The following PDZD2 variants were observed in gnomAD, a reference collection of about 807,000 sequenced individuals.
PDZD2 encodes the protein PDZ domain containing 2, also known as PDZ domain-containing protein 2.
PDZD2 carries 90 observed loss-of-function variants against 220.7 expected under a neutral mutation model. The observed-to-expected ratio is 0.41, with a 90% CI of 0.34 to 0.49. The LOEUF (loss-of-function observed/expected upper bound fraction) is 0.49. Ranked by LOEUF, PDZD2 falls within the 20% of genes least tolerant of loss-of-function variation. PDZD2 has a pLI of 0.28. For missense variants in PDZD2, 3,174 were observed against 3,608.5 expected, an observed-to-expected ratio of 0.88 and a Z score of 3.08; for synonymous variants, 1,375 against 1,450.5, an observed-to-expected ratio of 0.95 and a Z score of 1.18.
At chr5:31,932,213 A>G (rs556032114) in intron 2 of PDZD2, among the ~76,000 whole-genome samples, 2 of 152,318 alleles carry the variant, frequency 1.3e-5, no homozygotes, top group Admixed American at 6.5e-5. Context: ...GACATCAAGC[A>G]TATGAAGCAT....
intron 2 of PDZD2, among the ~76,000 whole-genome samples, chr5:31,872,095 A>C (rs1738863532): frequency 6.6e-6 from 1 of 151,740 alleles, no homozygotes; most frequent in African/African-American, 2.4e-5. Flanking sequence ...ACTTCATATC[A>C]GGGCATGTGT....
At chr5:31,706,465 G>A (rs67945878) in intron 1 of PDZD2, among the ~76,000 whole-genome samples, 20,504 of 152,042 alleles carry the variant, frequency 0.13, 1,519 homozygotes, top group East Asian at 0.21. Context: ...TCAGCAGGTA[G>A]GCATGTGGTG....
intron 1 of PDZD2, among the ~76,000 whole-genome samples, chr5:31,700,104 C>T (rs1395471083): frequency 2.0e-5 from 3 of 151,852 alleles, no homozygotes; most frequent in South Asian, 2.1e-4. Context: ...TGATTTGGCT[C>T]GAATGAGAGC....
At position 31,879,676 on chromosome 5, in the gene PDZD2, G is replaced by A. The variant is rs73064419; in HGVS notation, c.476+79952G>A. ...CTTCCTTTTTCTTTCCTGTGCAGCA[G>A]CCTTCAGAGATTTATAAGGATTGGA... On this transcript the variant is annotated intron_variant, in intron 2 of 24. Coordinates refer to ENST00000438447, the MANE Select transcript of PDZD2 (RefSeq NM_178140.4). Among the ~76,000 whole-genome samples the A allele has an allele frequency of 2.3e-3, 354 of 152,110 alleles. 2 individuals carry two copies. The highest frequency in any genetic ancestry group is 8.3e-3 in the African/African-American group (346 of 41,494).
Position 31,995,792 on chromosome 5 carries a change from G to C in PDZD2, c.1121+74G>C, listed in dbSNP as rs571384118. ...TCCCTCTCCCTCCCCACTGGTGCAG[G>C]TGCTCTTCCACTTGTTCAAAGCCCT... On this transcript the variant is annotated intron_variant, in intron 4 of 24. Coordinates refer to ENST00000438447, the MANE Select transcript of PDZD2 (RefSeq NM_178140.4). 7.2e-5 allele frequency: 98 copies of C among 1,359,352 alleles called. 1 individual carries two copies. In the South Asian group the frequency reaches 1.2e-3, roughly 16 times the overall value. 84.2% of individuals were successfully genotyped at this position (1,359,352 alleles called of 1,614,324 possible).
chr5:32,081,924 G>A (rs193229381), intron 19 of PDZD2, among the ~76,000 whole-genome samples: 5 of 151,792 alleles, frequency 3.3e-5, no homozygotes, highest in East Asian at 1.9e-4. Flanking sequence ...GGGTTTCACC[G>A]TGTTAGGATG....
intron 1 of PDZD2, among the ~76,000 whole-genome samples, chr5:31,758,322 T>C (rs962213970): frequency 1.3e-5 from 2 of 152,008 alleles, no homozygotes; most frequent in Non-Finnish European, 2.9e-5. Context: ...CTGGAAAGAG[T>C]GCCGATGGCA....
intron 2 of PDZD2, among the ~76,000 whole-genome samples, chr5:31,926,144 C>G (rs1308706161): frequency 6.6e-6 from 1 of 151,674 alleles, no homozygotes; most frequent in Non-Finnish European, 1.5e-5. Flanking sequence ...CCCTTGAGCC[C>G]AGGAGTTTGA....
chr5:31,831,783 G>A (rs374186079), intron 2 of PDZD2, among the ~76,000 whole-genome samples: 6 of 150,836 alleles, frequency 4.0e-5, no homozygotes, highest in African/African-American at 1.2e-4. Flanking sequence ...GCGTGGTGGC[G>A]CTCACCTGTA....
intron 6 of PDZD2, among the ~76,000 whole-genome samples, chr5:32,026,423 C>T (rs561845946): frequency 6.6e-6 from 1 of 152,346 alleles, no homozygotes; most frequent in African/African-American, 2.4e-5. Flanking sequence ...CAGGCGTGAG[C>T]AACTGCGCCC....
chr5:32,034,354 A>ATT lies in PDZD2; in HGVS notation c.1408-2856_1408-2855dup, dbSNP rs753294040. Among the ~76,000 whole-genome samples, 133 of 131,620 alleles carry ATT rather than the reference A, an allele frequency of 1.0e-3. 1 individual carries two copies. Among genetic ancestry groups the ATT allele is most frequent in the South Asian group, 2.2e-3 (9 of 4,068 alleles). 86.3% of individuals were successfully genotyped at this position (131,620 alleles called of 152,430 possible). A position where few individuals can be genotyped will look rare whatever the true frequency, so the allele number is the denominator to read the frequency against. The stretch of plus-strand genomic sequence containing the variant: ...GTGGTATTATCAGAAGGAACCAGGA[A>ATT]TTTTTTTTTTTTTTTTTTTTTTGAC... On this transcript the variant is annotated intron_variant, in intron 6 of 24. Coordinates refer to ENST00000438447, the MANE Select transcript of PDZD2 (RefSeq NM_178140.4).
intron 2 of PDZD2, among the ~76,000 whole-genome samples, chr5:31,982,777 A>G (rs1009712571): frequency 7.2e-5 from 11 of 152,314 alleles, no homozygotes; most frequent in African/African-American, 2.4e-4. Context: ...CATTGGAACT[A>G]TATGGATGGG....
chr5:31,743,323 C>T (rs1014349566), intron 1 of PDZD2, among the ~76,000 whole-genome samples: 12 of 152,136 alleles, frequency 7.9e-5, no homozygotes, highest in African/African-American at 2.2e-4. Context: ...TACAGGCATG[C>T]GCCACCATGC....
At chr5:32,060,863 T>C (rs994629066) in intron 13 of PDZD2, 139 bp from the exon 14 acceptor site, 14 of 660,296 alleles carry the variant, frequency 2.1e-5, no homozygotes, top group Non-Finnish European at 3.0e-5. Flanking sequence ...TTTACATGTA[T>C]GCCAACGGGA....
chr5:32,029,216 C>T (rs1047808972), intron 6 of PDZD2, among the ~76,000 whole-genome samples: 11 of 151,156 alleles, frequency 7.3e-5, no homozygotes, highest in Admixed American at 2.0e-4. Flanking sequence ...ATTGTCCCCA[C>T]GCCCTTAACA....
intron 2 of PDZD2, among the ~76,000 whole-genome samples, chr5:31,917,360 C>G (rs1465283886): frequency 1.3e-5 from 2 of 152,066 alleles, no homozygotes; most frequent in Admixed American, 6.6e-5. Context: ...ATGGCAAAAC[C>G]CTGTTGCTAC....
intron 1 of PDZD2, chr5:31,725,437 A>C (rs1749066928): frequency 8.5e-7 from 1 of 1,176,714 alleles, no homozygotes; most frequent in African/African-American, 1.6e-5. Flanking sequence ...TTTTTTAAGC[A>C]TCATTGCAAC....
intron 19 of PDZD2, among the ~76,000 whole-genome samples, chr5:32,084,233 C>T (rs930281993): frequency 7.9e-5 from 12 of 152,354 alleles, no homozygotes; most frequent in Middle Eastern, 3.4e-3. Flanking sequence ...GACGATCCAA[C>T]CTTTTGATTG....
Position 31,799,440 on chromosome 5 carries a change from C to G in PDZD2, c.192C>G (p.Pro64=). ...CGGTCCCACCTGATCACAGCCCCCC[C>G]GAAATGGAGATCTGTACTGTGTACC... is the stretch of plus-strand genomic sequence containing the variant. The part of the protein sequence containing the change: ...ESTVPPDHSP[P]EMEICTVYLT... The change falls in exon 2 of 25, where the codon CCC becomes CCG. Residue 64 remains proline, a synonymous_variant. Coordinates refer to ENST00000438447, the MANE Select transcript of PDZD2 (RefSeq NM_178140.4). 1 of 1,614,172 alleles carries G rather than the reference C, an allele frequency of 6.2e-7. No individual in the cohort carries two copies. The highest frequency in any genetic ancestry group is 8.5e-7 in the Non-Finnish European group (1 of 1,180,018).
Sources: allele counts gnomAD v4.1 joint callset (sites outside exome capture counted in the v4.1 genomes callset), GRCh38; gene constraint gnomAD v4.1.1; transcripts MANE v1.5; gene names NCBI Gene and HGNC (gene_info 2026-07-23, HGNC 2026-07-21).